BTRC: variants seen among roughly 807,000 people sequenced by gnomAD.
BTRC encodes F-box/WD repeat-containing protein 1A.
BTRC carries 42 observed loss-of-function variants against 85.5 expected under a neutral mutation model. The observed-to-expected ratio is 0.49, with a 90% CI of 0.38 to 0.64. The LOEUF is 0.64. Among genes scored for constraint, BTRC ranks in the 30% least tolerant of loss-of-function variants. The pLI, the probability that BTRC is intolerant of heterozygous loss-of-function variation, is 0.00. For synonymous variants in BTRC, 255 were observed against 263.3 expected (o/e 0.97, Z 0.30); for missense variants, 594 against 743.5 (o/e 0.80, Z 2.34).
At chr10:101,505,666 A>G (rs1946521603) in intron 4 of BTRC, among the ~76,000 whole-genome samples, 1 of 151,752 alleles carries the variant, frequency 6.6e-6, no homozygotes, top group African/African-American at 2.4e-5. Context: ...AAATATACCC[A>G]CCAAAATGTG....
chr10:101,461,133 C>G (rs1473468650), intron 2 of BTRC, among the ~76,000 whole-genome samples: 1 of 152,100 alleles, frequency 6.6e-6, no homozygotes, highest in Non-Finnish European at 1.5e-5. Flanking sequence ...AACTCCTGAC[C>G]TCAGATGATC....
chr10:101,491,474 C>G (rs887108282), intron 4 of BTRC, among the ~76,000 whole-genome samples: 1 of 152,114 alleles, frequency 6.6e-6, no homozygotes, highest in Non-Finnish European at 1.5e-5. Context: ...GTGGGAGGAA[C>G]ACCTGAGGTC....
At chr10:101,375,909 T>C (rs1233348849) in intron 1 of BTRC, among the ~76,000 whole-genome samples, 2 of 152,204 alleles carry the variant, frequency 1.3e-5, no homozygotes, top group African/African-American at 2.4e-5. Flanking sequence ...TCTAGTCCAC[T>C]GTGTGCTGGC....
chr10:101,357,367 GGA>G (rs1240328435), intron 1 of BTRC, among the ~76,000 whole-genome samples: 1 of 149,758 alleles, frequency 6.7e-6, no homozygotes, highest in African/African-American at 2.5e-5. Flanking sequence ...CTTGAACCCA[GGA>G]GGTGGAGGTT....
At chr10:101,398,319 G>C (rs528937138) in intron 1 of BTRC, among the ~76,000 whole-genome samples, 64 of 150,876 alleles carry the variant, frequency 4.2e-4, no homozygotes, top group African/African-American at 1.4e-3. Context: ...TTCTTTTTTT[G>C]TTTTTTTGAG....
At chr10:101,476,661 A>G (rs971344084) in intron 3 of BTRC, among the ~76,000 whole-genome samples, 15 of 150,944 alleles carry the variant, frequency 9.9e-5, no homozygotes, top group Non-Finnish European at 2.1e-4. Flanking sequence ...GTGGGCTTGT[A>G]TGGAACTCCC....
chr10:101,551,773 G>C (rs899531930), intron 14 of BTRC, among the ~76,000 whole-genome samples: 34 of 152,294 alleles, frequency 2.2e-4, no homozygotes, highest in Admixed American at 1.6e-3. Flanking sequence ...CTCTCACAGA[G>C]GACACGGTTC....
chr10:101,358,160 A>G (rs1184146500), intron 1 of BTRC, among the ~76,000 whole-genome samples: 1 of 152,220 alleles, frequency 6.6e-6, no homozygotes, highest in Non-Finnish European at 1.5e-5. Flanking sequence ...CCCAGGCTAG[A>G]GTGCAGTCAT....
At chr10:101,391,512 C>T (rs1329789439) in intron 1 of BTRC, among the ~76,000 whole-genome samples, 2 of 152,126 alleles carry the variant, frequency 1.3e-5, no homozygotes, top group Non-Finnish European at 2.9e-5. Context: ...TTAGCATAGG[C>T]ACAACCTTCG....
intron 11 of BTRC, among the ~76,000 whole-genome samples, chr10:101,535,861 T>C (rs2062377642): frequency 6.6e-6 from 1 of 152,234 alleles, no homozygotes; most frequent in South Asian, 2.1e-4. Context: ...GAAGTCCTTT[T>C]TGGGGTTTTC....
chr10:101,543,123 A>C (rs3127232), intron 13 of BTRC, among the ~76,000 whole-genome samples: 130,204 of 152,248 alleles, frequency 0.86, 56,089 homozygotes, highest in African/African-American at 0.96. Context: ...GGTGATCCAC[A>C]CACCTCGGCC....
chr10:101,538,365 C>G lies in BTRC; in HGVS notation c.1650C>G (p.Thr550=). ...CTGCAGGGACACTCTGTCTACGGACCCTTGTGGTAAGAGCCTTGCTGTTTA... is the reference window on the plus strand; with the variant it reads ...CTGCAGGGACACTCTGTCTACGGACGCTTGTGGTAAGAGCCTTGCTGTTTA... ...RAPAGTLCLR[T]LVEHSGRVFR... is the part of the protein sequence containing the mutation. The change falls in exon 13 of 15, where the codon ACC becomes ACG. Residue 550 remains threonine (T), a synonymous_variant. Coordinates refer to ENST00000370187, the MANE Select transcript of BTRC (RefSeq NM_033637.4). The G allele has an allele frequency of 1.2e-6, 2 of 1,613,064 alleles. No homozygotes were observed. The highest frequency in any genetic ancestry group is 1.7e-6 in the Non-Finnish European group (2 of 1,179,122).
At chr10:101,503,256 T>C (rs1365692371) in intron 4 of BTRC, among the ~76,000 whole-genome samples, 1 of 152,182 alleles carries the variant, frequency 6.6e-6, no homozygotes, top group African/African-American at 2.4e-5. Flanking sequence ...CCTCTTTTGG[T>C]TATAGAAATG....
intron 4 of BTRC, among the ~76,000 whole-genome samples, chr10:101,486,443 G>GAA (rs34815375): frequency 6.9e-6 from 1 of 145,318 alleles, no homozygotes; most frequent in Admixed American, 6.8e-5. Flanking sequence ...ATTTCTCAGG[G>GAA]AAAAAAAAAA....
chr10:101,530,230 C>T (rs1045458689), intron 6 of BTRC, among the ~76,000 whole-genome samples: 1 of 152,170 alleles, frequency 6.6e-6, no homozygotes, highest in Non-Finnish European at 1.5e-5. Context: ...AGTTTCATGC[C>T]TTAGACTTGA....
chr10:101,442,999 A>G (rs1408652842), intron 2 of BTRC, among the ~76,000 whole-genome samples: 2 of 146,388 alleles, frequency 1.4e-5, no homozygotes, highest in African/African-American at 5.1e-5. Context: ...CCCCTGCCTC[A>G]GCCTCTCGAG....
intron 13 of BTRC, among the ~76,000 whole-genome samples, chr10:101,545,881 G>A (rs193046049): frequency 6.6e-6 from 1 of 152,302 alleles, no homozygotes; most frequent in East Asian, 1.9e-4. Context: ...ATAAAGAGAA[G>A]TGTTGTATAA....
chr10:101,395,738 C>G (rs1943346651), intron 1 of BTRC, among the ~76,000 whole-genome samples: 1 of 151,948 alleles, frequency 6.6e-6, no homozygotes, highest in Admixed American at 6.6e-5. Flanking sequence ...ATTATCTCAG[C>G]TGTGATTAAA....
At chr10:101,499,760 A>G (rs1248805736) in intron 4 of BTRC, among the ~76,000 whole-genome samples, 1 of 151,330 alleles carries the variant, frequency 6.6e-6, no homozygotes, top group Non-Finnish European at 1.5e-5. Flanking sequence ...CTATCAAAAA[A>G]TGCTATCACC....
Sources: gnomAD v4.1 joint callset for allele counts (sites outside exome capture counted in the v4.1 genomes callset) on GRCh38, gnomAD v4.1.1 for gene constraint, MANE v1.5 for transcripts, NCBI Gene and HGNC (gene_info 2026-07-23, HGNC 2026-07-21) for gene names.